COL23A1: variants seen among roughly 807,000 people sequenced by gnomAD.
COL23A1 encodes collagen type XXIII alpha 1 chain.
COL23A1 carries 97 observed loss-of-function variants against 99.3 expected under a neutral mutation model. The ratio of observed to expected loss-of-function variants is 0.98; its 90% confidence interval spans 0.83 to 1.16. The LOEUF is 1.16. Among genes scored for constraint, COL23A1 ranks in the 50% most tolerant of loss-of-function variants. COL23A1 has a pLI of 0.00. For synonymous variants in COL23A1, 320 were observed against 308.2 expected, an observed-to-expected ratio of 1.04 and a Z score of -0.40; for missense variants, 762 against 757.4, an observed-to-expected ratio of 1.01 and a Z score of -0.07.
In COL23A1 at chr5:178,387,482, C is replaced by A. The variant is rs545147092; in HGVS notation, c.362-80563G>T. 1.9e-4 allele frequency among the ~76,000 whole-genome samples: 29 copies of A among 152,248 alleles called. No homozygotes were observed. In the South Asian group the frequency reaches 6.0e-3, roughly 32 times the overall value. On this transcript the variant is annotated intron_variant, in intron 2 of 28. Transcript: ENST00000390654. This position sits in a 1 kb window ranked among gnomAD's most constrained non-coding sequence, Gnocchi z 4.7. ...TGCTGCCCTCCTGCAGCTCAGAGCA[C>A]CCCTGCCCATGAGCTCTCCTGGCAG...
At chr5:178,312,032 G>GCGTA (rs1758721270) in intron 2 of COL23A1, among the ~76,000 whole-genome samples, 1 of 152,170 alleles carries the variant, frequency 6.6e-6, no homozygotes. Context: ...CGCCCGGCCT[G>GCGTA]CGTAACTGGT....
chr5:178,243,090 T>C (rs902013644), intron 25 of COL23A1, among the ~76,000 whole-genome samples: 1 of 152,128 alleles, frequency 6.6e-6, no homozygotes, highest in South Asian at 2.1e-4. Flanking sequence ...CTTGGGAGAC[T>C]GAGGCAGGAG....
At chr5:178,498,773 G>A (rs1025897311) in intron 2 of COL23A1, among the ~76,000 whole-genome samples, 4 of 152,036 alleles carry the variant, frequency 2.6e-5, no homozygotes, top group African/African-American at 9.7e-5. Flanking sequence ...CATGCCTAAC[G>A]CATAAAGGAC....
intron 2 of COL23A1, among the ~76,000 whole-genome samples, chr5:178,529,072 T>C (rs1760490762): frequency 6.6e-6 from 1 of 152,198 alleles, no homozygotes; most frequent in South Asian, 2.1e-4. Flanking sequence ...ACGGCTGAGG[T>C]CCCTCGCGGC....
intron 7 of COL23A1, among the ~76,000 whole-genome samples, chr5:178,268,110 A>C (rs1182189504): frequency 6.6e-6 from 1 of 152,220 alleles, no homozygotes; most frequent in Non-Finnish European, 1.5e-5. Flanking sequence ...GCCCATCTGC[A>C]GATCTCACTT....
At chr5:178,325,835 G>A (rs892627078) in intron 2 of COL23A1, among the ~76,000 whole-genome samples, 4 of 152,232 alleles carry the variant, frequency 2.6e-5, no homozygotes, top group Non-Finnish European at 5.9e-5. Context: ...GATGTTTGCC[G>A]TGCACTGGGA....
intron 2 of COL23A1, among the ~76,000 whole-genome samples, chr5:178,503,281 T>C (rs1758675505): frequency 6.6e-6 from 1 of 150,914 alleles, no homozygotes; most frequent in African/African-American, 2.4e-5. Context: ...ACTTGGGAGG[T>C]GGAGGTTAAA....
At chr5:178,322,854 A>C (rs2127630742) in intron 2 of COL23A1, among the ~76,000 whole-genome samples, 1 of 152,298 alleles carries the variant, frequency 6.6e-6, no homozygotes, top group East Asian at 1.9e-4. Context: ...ACCACAACGC[A>C]GCATGGGAAG....
At chr5:178,508,527 G>A (rs1759008246) in intron 2 of COL23A1, among the ~76,000 whole-genome samples, 1 of 152,184 alleles carries the variant, frequency 6.6e-6, no homozygotes, top group Non-Finnish European at 1.5e-5. Flanking sequence ...GAAAAGATGG[G>A]GGGTGCCACT....
chr5:178,558,429 T>C (rs1762393377), intron 2 of COL23A1, among the ~76,000 whole-genome samples: 2 of 152,074 alleles, frequency 1.3e-5, no homozygotes. Flanking sequence ...TCATCTGTCT[T>C]GGGGACTTTC....
intron 2 of COL23A1, among the ~76,000 whole-genome samples, chr5:178,346,513 G>C (rs1312109754): frequency 2.0e-5 from 3 of 152,332 alleles, no homozygotes; most frequent in African/African-American, 7.2e-5. Context: ...TGGGATTACA[G>C]GTGTGAGCCA....
At chr5:178,386,912 G>A (rs1763707147) in intron 2 of COL23A1, among the ~76,000 whole-genome samples, 1 of 152,184 alleles carries the variant, frequency 6.6e-6, no homozygotes, top group East Asian at 1.9e-4. Flanking sequence ...TAACTTCCTC[G>A]GCCATTGCCC....
At chr5:178,386,081 T>TA (rs1368330835) in intron 2 of COL23A1, among the ~76,000 whole-genome samples, 2 of 152,184 alleles carry the variant, frequency 1.3e-5, no homozygotes, top group African/African-American at 4.8e-5. Context: ...CAGGCTATAA[T>TA]ACAATGCTTG....
Position 178,242,147 on chromosome 5 carries a change from G to A in COL23A1, c.1495-19C>T, listed in dbSNP as rs1764437208. On this transcript the variant is annotated intron_variant, in intron 26 of 28. Coordinates refer to ENST00000390654, the MANE Select transcript of COL23A1 (RefSeq NM_173465.4). ...GTTCTCCCTGTGCAGGAGGGGAGAT[G>A]GTGGTATTGGTCATGGCTGCCAGGC... is the stretch of plus-strand genomic sequence containing the variant. 6.5e-7 allele frequency: 1 copy of A among 1,543,500 alleles called. No individual in the cohort carries two copies. Among genetic ancestry groups the A allele is most frequent in the Non-Finnish European group, 8.8e-7 (1 of 1,140,324 alleles).
At position 178,468,912 on chromosome 5, in the gene COL23A1, C is replaced by T. The variant is rs1756582416; in HGVS notation, c.361+91770G>A. Reference sequence around the variant, plus strand: ...CTCTGCACCCATTAAACACCAACTCCCCACTCCCCCCAGCCTGTGGCACCC... The same window carrying T: ...CTCTGCACCCATTAAACACCAACTCTCCACTCCCCCCAGCCTGTGGCACCC... On this transcript the variant is annotated intron_variant, in intron 2 of 28. Coordinates refer to ENST00000390654, the MANE Select transcript of COL23A1 (RefSeq NM_173465.4). This position sits in a 1 kb window ranked among gnomAD's most constrained non-coding sequence, Gnocchi z 4.2. 6.6e-6 allele frequency among the ~76,000 whole-genome samples: 1 copy of T among 152,154 alleles called. No homozygotes were observed. Among genetic ancestry groups the T allele is most frequent in the African/African-American group, 2.4e-5 (1 of 41,422 alleles).
rs35787274 is a variant in COL23A1 at position 178,517,557 on chromosome 5, G to GTTTTT, written c.361+43120_361+43124dup. On this transcript the variant is annotated intron_variant, in intron 2 of 28. Transcript: ENST00000390654. ...AGGGCTCAGACTCTCGGTGACAGCA[G>GTTTTT]TTTTTTTTTTGTTTTTTTTTTTGAG... Among the ~76,000 whole-genome samples, 35 of 84,964 alleles carry GTTTTT rather than the reference G, an allele frequency of 4.1e-4. 8 individuals are homozygous for GTTTTT. Among genetic ancestry groups the GTTTTT allele is most frequent in the African/African-American group, 1.8e-4 (3 of 16,562 alleles). 55.7% of individuals were successfully genotyped at this position (84,964 alleles called of 152,430 possible). A position where few individuals can be genotyped will look rare whatever the true frequency, so the allele number is the denominator to read the frequency against.
intron 2 of COL23A1, among the ~76,000 whole-genome samples, chr5:178,431,645 T>C (rs894351414): frequency 1.3e-5 from 2 of 152,234 alleles, no homozygotes; most frequent in African/African-American, 4.8e-5. Context: ...GGCCAGGAGC[T>C]GAAGAGGCAA....
intron 2 of COL23A1, among the ~76,000 whole-genome samples, chr5:178,497,289 A>C (rs916426676): frequency 6.6e-6 from 1 of 152,222 alleles, no homozygotes; most frequent in African/African-American, 2.4e-5. Flanking sequence ...GCCTCAAGTC[A>C]ACAGCAAAGG....
intron 8 of COL23A1, among the ~76,000 whole-genome samples, chr5:178,266,757 G>A (rs1755926954): frequency 6.6e-6 from 1 of 152,130 alleles, no homozygotes; most frequent in African/African-American, 2.4e-5. Context: ...GGCCGCGGAG[G>A]TGCGGAGCAG....
Sources: gnomAD v4.1 joint callset for allele counts (sites outside exome capture counted in the v4.1 genomes callset) on GRCh38, gnomAD v4.1.1 for gene constraint, Gnocchi (gnomAD v3.1) non-coding constraint, MANE v1.5 for transcripts, NCBI Gene and HGNC (gene_info 2026-07-23, HGNC 2026-07-21) for gene names.